Variants in INSL6 observed in about 807,000 individuals in gnomAD.
INSL6 encodes insulin like 6, also known as insulin-like peptide INSL6.
A neutral mutation model predicts 9.4 loss-of-function variants in INSL6; 16 were observed. That is an observed-to-expected ratio of 1.70 (90% CI 1.15 to 2.59). INSL6 has a LOEUF of 2.59. Ranked by LOEUF, INSL6 falls within the 30% of genes most tolerant of loss-of-function variation. INSL6 has a pLI of 0.00. For synonymous variants in INSL6, 154 were observed against 96.9 expected, an observed-to-expected ratio of 1.59 and a Z score of -3.46; for missense variants, 391 against 257.3, an observed-to-expected ratio of 1.52 and a Z score of -3.56.
At chr9:5,082,953 T>C in the INSL6 span, among the ~76,000 whole-genome samples, 3 of 152,240 alleles carry the variant, frequency 2.0e-5, no homozygotes, top group Non-Finnish European at 4.4e-5. Flanking sequence ...GTCTTCCTTT[T>C]CTACATAGAC....
rs1395278205 is a variant in INSL6 at position 5,163,938 on chromosome 9, G to T, written c.617C>A (p.Ser206Ter). 6.2e-7 allele frequency: 1 copy of T among 1,603,692 alleles called. No homozygotes were observed. The highest frequency in any genetic ancestry group is 8.5e-7 in the Non-Finnish European group (1 of 1,176,392). ...IDFKRLKEKR[S>*]SLVTKIY ...TTAGTATATCTTAGTTACAAGTGAT[G>T]ATCTTTTTTCCTTTAGCCTTTTAAA... is the stretch of plus-strand genomic sequence containing the variant. The change falls in exon 2 of 2, where the codon TCA (serine) becomes TAA (stop). Residue 206 changes from serine to a stop codon, truncating the protein, a stop_gained. Coordinates refer to ENST00000381641, the MANE Select transcript of INSL6 (RefSeq NM_007179.3). LOFTEE classifies it high-confidence loss of function.
chr9:5,073,815 T>A, the INSL6 span: 1 of 1,353,766 alleles, frequency 7.4e-7, no homozygotes, highest in East Asian at 2.3e-5. Flanking sequence ...TTCTAATGCC[T>A]TTCTCAGAGC....
intron 1 of INSL6, among the ~76,000 whole-genome samples, chr9:5,184,340 G>T (rs915945371): frequency 6.6e-6 from 1 of 152,076 alleles, no homozygotes; most frequent in Non-Finnish European, 1.5e-5. Flanking sequence ...TCTTCCTATG[G>T]ATACACTATA....
rs543083051 is a variant in INSL6, at chr9:5,173,079, G to C, written c.290-8814C>G. 1.7e-3 allele frequency among the ~76,000 whole-genome samples: 257 copies of C among 152,176 alleles called. 1 individual carries two copies. The highest frequency in any genetic ancestry group is 3.1e-3 in the Non-Finnish European group (213 of 67,986). On this transcript the variant is annotated intron_variant, in intron 1 of 1. Coordinates refer to ENST00000381641, the MANE Select transcript of INSL6 (RefSeq NM_007179.3). ...AAATTACAATGAGATACTATCTCAC[G>C]ACAGTCAGAATAGCAATTATTACAA...
chr9:5,096,265 A>G, the INSL6 span, among the ~76,000 whole-genome samples: 1 of 152,312 alleles, frequency 6.6e-6, no homozygotes, highest in South Asian at 2.1e-4. Flanking sequence ...TATAACTTAG[A>G]AATTTAGGTT....
the INSL6 span, among the ~76,000 whole-genome samples, chr9:5,038,164 G>A: frequency 0.24 from 35,811 of 152,042 alleles, 4,635 homozygotes; most frequent in South Asian, 0.31. Context: ...AATGGATACA[G>A]TGTTTTTAAT....
At chr9:5,020,187 G>T in the INSL6 span, among the ~76,000 whole-genome samples, 1 of 152,168 alleles carries the variant, frequency 6.6e-6, no homozygotes, top group Non-Finnish European at 1.5e-5. Flanking sequence ...CGATTGGCTG[G>T]GTAGGCAAGT....
chr9:5,169,779 A>T (rs1433149128), intron 1 of INSL6, among the ~76,000 whole-genome samples: 1 of 152,236 alleles, frequency 6.6e-6, no homozygotes, highest in Non-Finnish European at 1.5e-5. Context: ...AGAGCGTTAC[A>T]TAATGGTAAA....
At chr9:5,007,574 G>A in the INSL6 span, among the ~76,000 whole-genome samples, 1 of 151,818 alleles carries the variant, frequency 6.6e-6, no homozygotes, top group African/African-American at 2.4e-5. Flanking sequence ...AGTAATCATT[G>A]AATGCAAAAT....
At chr9:5,069,738 G>A in the INSL6 span, among the ~76,000 whole-genome samples, 1 of 152,020 alleles carries the variant, frequency 6.6e-6, no homozygotes, top group Non-Finnish European at 1.5e-5. Context: ...AATGTATGAA[G>A]TAACTAAGAA....
At chr9:5,063,636 T>C in the INSL6 span, among the ~76,000 whole-genome samples, 1 of 152,200 alleles carries the variant, frequency 6.6e-6, no homozygotes, top group African/African-American at 2.4e-5. Context: ...ATTTTTATGA[T>C]ATTGAATTTT....
At chr9:5,098,092 G>C in the INSL6 span, 1 of 152,034 alleles carries the variant, frequency 6.6e-6, no homozygotes, top group Non-Finnish European at 1.5e-5. Context: ...CCTTTGTTTC[G>C]AAAAGAAAAA....
At chr9:5,101,691 G>C in the INSL6 span, among the ~76,000 whole-genome samples, 1 of 152,198 alleles carries the variant, frequency 6.6e-6, no homozygotes, top group African/African-American at 2.4e-5. Flanking sequence ...GAAGGATCAG[G>C]CAGCAACATT....
chr9:5,118,919 T>A (rs929639015), downstream of INSL6, among the ~76,000 whole-genome samples: 2 of 152,224 alleles, frequency 1.3e-5, no homozygotes, highest in Non-Finnish European at 2.9e-5. Context: ...TCATCTGTTT[T>A]CTCAATTTCT....
chr9:5,069,067 G>A, the INSL6 span: 5 of 1,603,152 alleles, frequency 3.1e-6, no homozygotes, highest in African/African-American at 2.7e-5. Context: ...TACAAAAAAT[G>A]AGAATGAAGA....
chr9:5,064,994 C>T, the INSL6 span: 1 of 1,608,490 alleles, frequency 6.2e-7, no homozygotes, highest in Non-Finnish European at 8.5e-7. Context: ...AGTAGCACCT[C>T]CAGCCGTGCT....
chr9:5,110,401 C>T, the INSL6 span: 18 of 152,270 alleles, frequency 1.2e-4, no homozygotes, highest in African/African-American at 4.1e-4. Context: ...CTGGGCCTTA[C>T]GATAGTCACA....
At chr9:5,078,546 G>A in the INSL6 span, 76 of 804,236 alleles carry the variant, frequency 9.4e-5, no homozygotes, top group Non-Finnish European at 1.3e-4. Context: ...TAATTTGTAT[G>A]TTCCTGATTA....
At chr9:5,066,424 C>G in the INSL6 span, among the ~76,000 whole-genome samples, 1 of 151,938 alleles carries the variant, frequency 6.6e-6, no homozygotes, top group Non-Finnish European at 1.5e-5. Flanking sequence ...ACAAATTGTT[C>G]TTTGTGATTT....
Sources: allele counts gnomAD v4.1 joint callset (sites outside exome capture counted in the v4.1 genomes callset), GRCh38; gene constraint gnomAD v4.1.1; transcripts MANE v1.5; gene names NCBI Gene and HGNC (gene_info 2026-07-23, HGNC 2026-07-21).